The following ZNF568 variants were observed in gnomAD, a reference collection of about 807,000 sequenced individuals.
ZNF568 encodes the protein p53 inhibitor of SCO2 activation.
Under a neutral mutation model 18.1 loss-of-function variants are expected in ZNF568, and 11 were observed. That is an observed-to-expected ratio of 0.61 (90% CI 0.38 to 1.00). ZNF568 has a LOEUF of 1.00. Among genes scored for constraint, ZNF568 ranks in the 50% least tolerant of loss-of-function variants. The pLI, the probability that ZNF568 is intolerant of heterozygous loss-of-function variation, is 0.01. For missense variants in ZNF568, 639 were observed against 768.2 expected (o/e 0.83, Z 1.99); for synonymous variants, 213 against 246.6 (o/e 0.86, Z 1.28).
At chr19:36,991,091 G>A (rs962606914) in intron 2 of ZNF568, 20 of 1,400,358 alleles carry the variant, frequency 1.4e-5, no homozygotes, top group Non-Finnish European at 1.9e-6. Flanking sequence ...CTTCCCTATT[G>A]AATTGCTTTC....
At chr19:36,925,502 CTT>C (rs1217855527) in intron 4 of ZNF568, among the ~76,000 whole-genome samples, 1 of 152,120 alleles carries the variant, frequency 6.6e-6, no homozygotes, top group Non-Finnish European at 1.5e-5. Flanking sequence ...AACTGGGACA[CTT>C]AAGTTTATTC....
intron 1 of ZNF568, among the ~76,000 whole-genome samples, chr19:36,917,081 C>T (rs2073351426): frequency 1.3e-5 from 2 of 152,182 alleles, no homozygotes; most frequent in South Asian, 4.2e-4. Flanking sequence ...AAAAACCACC[C>T]CTGAACTCAA....
At chr19:36,933,798 T>C (rs1279738043) in intron 4 of ZNF568, among the ~76,000 whole-genome samples, 2 of 151,896 alleles carry the variant, frequency 1.3e-5, no homozygotes, top group African/African-American at 4.8e-5. Context: ...TTCATCCTCT[T>C]TGTTTTGGAA....
chr19:36,991,477 G>C lies in ZNF568; in HGVS notation c.133+178G>C, dbSNP rs184289032. On this transcript the variant is annotated intron_variant, in intron 3 of 4. Transcript: ENST00000433993. Reference sequence around the variant, plus strand: ...TCTCTTGTGAAGTTGGAAATTGGCTGTTCCAGCAGGCACCTTTATCTTCAT... The same window carrying C: ...TCTCTTGTGAAGTTGGAAATTGGCTCTTCCAGCAGGCACCTTTATCTTCAT... 10 of 834,358 alleles carry C rather than the reference G, an allele frequency of 1.2e-5. No individual in the cohort carries two copies. In the African/African-American group the frequency reaches 1.5e-4, roughly 13 times the overall value. 51.7% of individuals were successfully genotyped at this position (834,358 alleles called of 1,614,324 possible).
chr19:36,948,582 T>A (rs2074002322), intron 6 of ZNF568, among the ~76,000 whole-genome samples: 1 of 151,790 alleles, frequency 6.6e-6, no homozygotes, highest in Non-Finnish European at 1.5e-5. Context: ...CCACCAGCAA[T>A]GAGTGAGAGG....
At position 36,950,257 on chromosome 19, in the gene ZNF568, T is replaced by G; in HGVS notation, c.1104T>G (p.Gly368=). The change falls in exon 7 of 7, where the codon GGT becomes GGG. Residue 368 remains glycine (G), a synonymous_variant. Coordinates refer to ENST00000333987, the MANE Select transcript of ZNF568 (RefSeq NM_198539.4). ...GEKPYACNEC[G]RAFSRMSSVT... is the part of the protein sequence containing the mutation. ...AACCTTATGCATGTAATGAATGTGG[T>G]AGAGCTTTTTCTCGAATGTCATCTG... 1 of 1,613,816 alleles carries G rather than the reference T, an allele frequency of 6.2e-7. No homozygotes were observed. The highest frequency in any genetic ancestry group is 8.5e-7 in the Non-Finnish European group (1 of 1,179,936).
chr19:36,917,713 C>T (rs1214007840), intron 2 of ZNF568, 65 bp downstream of exon 2: 2 of 152,134 alleles, frequency 1.3e-5, no homozygotes, highest in African/African-American at 4.8e-5. Flanking sequence ...TCTATTACGC[C>T]TTAAACATTT....
chr19:36,997,691 G>A, downstream of ZNF568: 1 of 974,580 alleles, frequency 1.0e-6, no homozygotes, highest in Non-Finnish European at 1.6e-6. Context: ...CAACATCAAA[G>A]AATTCATTCA....
chr19:36,953,693 C>A (rs2074086135), downstream of ZNF568, among the ~76,000 whole-genome samples: 1 of 152,092 alleles, frequency 6.6e-6, no homozygotes, highest in Admixed American at 6.6e-5. Flanking sequence ...GGGTGGATCA[C>A]CTGAGGTCAG....
chr19:36,954,648 C>T (rs1178557157), downstream of ZNF568, among the ~76,000 whole-genome samples: 4 of 151,742 alleles, frequency 2.6e-5, no homozygotes, highest in East Asian at 5.8e-4. Flanking sequence ...TGGCTCACTG[C>T]AACCTCTGCC....
At chr19:36,985,195 C>T (rs2074365375) in intron 2 of ZNF568, among the ~76,000 whole-genome samples, 1 of 152,022 alleles carries the variant, frequency 6.6e-6, no homozygotes, top group Non-Finnish European at 1.5e-5. Flanking sequence ...GAGATTTATT[C>T]CAGCCATTGT....
chr19:36,955,591 A>C (rs1437640118), downstream of ZNF568, among the ~76,000 whole-genome samples: 1 of 152,212 alleles, frequency 6.6e-6, no homozygotes, highest in Non-Finnish European at 1.5e-5. Flanking sequence ...GAAAAAAATC[A>C]TTAATTAAAT....
intron 6 of ZNF568, among the ~76,000 whole-genome samples, chr19:36,940,769 TTC>T (rs1225174600): frequency 3.9e-5 from 6 of 152,242 alleles, no homozygotes; most frequent in African/African-American, 1.4e-4. Flanking sequence ...GGCTTTCTTT[TTC>T]TTTTTGATAA....
rs758763143 is a variant in ZNF568, at chr19:36,950,575, T to C, written c.1422T>C (p.Tyr474=). The C allele has an allele frequency of 6.2e-7, 1 of 1,613,806 alleles. No homozygotes were observed. Among genetic ancestry groups the C allele is most frequent in the Non-Finnish European group, 8.5e-7 (1 of 1,179,786 alleles). ...HQKIHTGEKP[Y]ECSECGKAFI... is the part of the protein sequence containing the mutation. Reference sequence around the variant, plus strand: ...AAATTCACACTGGAGAGAAACCTTATGAATGCAGTGAATGTGGGAAAGCTT... The same window carrying C: ...AAATTCACACTGGAGAGAAACCTTACGAATGCAGTGAATGTGGGAAAGCTT... Residue 474 remains tyrosine, a synonymous_variant, in exon 7 of 7, where the codon TAT becomes TAC. Transcript: ENST00000333987.
exon 3 of ZNF568, chr19:36,991,266 A>G (rs1337552418): frequency 9.1e-6 from 14 of 1,535,416 alleles, no homozygotes; most frequent in East Asian, 4.9e-5. Flanking sequence ...CCGAGATGTA[A>G]TGTTGGAAAA....
chr19:36,996,857 A>C, exon 5 of ZNF568: 7 of 1,538,518 alleles, frequency 4.5e-6, no homozygotes, highest in Non-Finnish European at 6.1e-6. Flanking sequence ...CAGAGGATGC[A>C]TCTTGGTGAG....
Sources: allele counts gnomAD v4.1 joint callset (sites outside exome capture counted in the v4.1 genomes callset), GRCh38; gene constraint gnomAD v4.1.1; transcripts MANE v1.5; gene names NCBI Gene and HGNC (gene_info 2026-07-23, HGNC 2026-07-21).